Variants in CACNA1C observed in about 807,000 individuals in gnomAD.
CACNA1C encodes calcium voltage-gated channel subunit alpha1 C.
Under a neutral mutation model 229.0 loss-of-function variants are expected in CACNA1C, and 30 were observed. The observed-to-expected ratio is 0.13, with a 90% CI of 0.10 to 0.18. The LOEUF (loss-of-function observed/expected upper bound fraction) is 0.18, where lower values mean the gene tolerates loss of function less well. CACNA1C is among the 10% of genes least tolerant of loss of function. CACNA1C has a pLI of 1.00. For missense variants in CACNA1C, 1,658 were observed against 2,845.0 expected (o/e 0.58, Z 9.49); for synonymous variants, 1,114 against 1,132.5 (o/e 0.98, Z 0.33).
chr12:2,449,445 CCAGTGCGCAGGCTGGCTGGAGTTT>C (rs2099333994), intron 4 of CACNA1C, among the ~76,000 whole-genome samples: 1 of 152,208 alleles, frequency 6.6e-6, no homozygotes, highest in Non-Finnish European at 1.5e-5. Context: ...TGCACTCCTC[CCAGTGCGCAGGCTGGCTGGAGTTT>C]CTCTGGGGAC....
chr12:2,234,650 A>C (rs1482133561), intron 3 of CACNA1C, among the ~76,000 whole-genome samples: 2 of 152,146 alleles, frequency 1.3e-5, no homozygotes, highest in Non-Finnish European at 2.9e-5. Flanking sequence ...GTTTTTCACA[A>C]AAATTTTCTG....
intron 3 of CACNA1C, among the ~76,000 whole-genome samples, chr12:2,398,727 G>A (rs747921780): frequency 1.6e-4 from 24 of 152,230 alleles, no homozygotes; most frequent in Admixed American, 2.0e-4. Context: ...GGGAGAGGAT[G>A]TGTGGGGTCT....
chr12:1,972,013 T>C (rs939297541), intron 1 of CACNA1C, among the ~76,000 whole-genome samples: 2 of 152,252 alleles, frequency 1.3e-5, no homozygotes, highest in Non-Finnish European at 2.9e-5. Context: ...AAAATTTAAA[T>C]AGGCAGGACA....
At chr12:2,662,131 AC>A (rs1427687517) in intron 34 of CACNA1C, among the ~76,000 whole-genome samples, 1 of 151,890 alleles carries the variant, frequency 6.6e-6, no homozygotes, top group Non-Finnish European at 1.5e-5. Flanking sequence ...AGTCCCAGCT[AC>A]TCAGGAGGCT....
chr12:2,409,786 T>C (rs1281132909), intron 3 of CACNA1C, among the ~76,000 whole-genome samples: 1 of 152,202 alleles, frequency 6.6e-6, no homozygotes, highest in Non-Finnish European at 1.5e-5. Context: ...GTGCCTCCCA[T>C]GGCACTTGTG....
chr12:2,354,316 G>A lies in CACNA1C; in HGVS notation c.478-94660G>A, dbSNP rs546044587. Among the ~76,000 whole-genome samples the A allele has an allele frequency of 2.0e-5, 3 of 152,288 alleles. No homozygotes were observed. Among genetic ancestry groups the A allele is most frequent in the African/African-American group, 4.8e-5 (2 of 41,564 alleles). ...CAGGAAACACAGAGCAGAAAGCCAC[G>A]CACACAGCTTGTGTTTCCTCTGGCG... On this transcript the variant is annotated intron_variant, in intron 3 of 46. Coordinates refer to ENST00000399655, the MANE Select transcript of CACNA1C (RefSeq NM_000719.7). This position sits in a 1 kb window ranked among gnomAD's most constrained non-coding sequence, Gnocchi z 4.6.
At chr12:2,303,437 C>T (rs1228470353) in intron 3 of CACNA1C, among the ~76,000 whole-genome samples, 6 of 152,028 alleles carry the variant, frequency 3.9e-5, no homozygotes, top group Non-Finnish European at 8.8e-5. Context: ...TAGGATCCGC[C>T]CTCATGCCCT....
intron 1 of CACNA1C, among the ~76,000 whole-genome samples, chr12:2,062,310 C>T (rs979353194): frequency 6.6e-6 from 1 of 152,158 alleles, no homozygotes; most frequent in Non-Finnish European, 1.5e-5. Flanking sequence ...GTAATCCTAC[C>T]ACGTGGGTTT....
In CACNA1C at chr12:2,054,110, C is replaced by G. The variant is rs1489243455; in HGVS notation, c.49+499C>G. 6.6e-6 allele frequency among the ~76,000 whole-genome samples: 1 copy of G among 150,420 alleles called. No homozygotes were observed. The highest frequency in any genetic ancestry group is 1.5e-5 in the Non-Finnish European group (1 of 67,546). On this transcript the variant is annotated intron_variant, in intron 1 of 46. Transcript: ENST00000399655. This position sits in a 1 kb window ranked among gnomAD's most constrained non-coding sequence, Gnocchi z 5.5. ...CGCCCCTGGGGCGCCCTCGCGCTGC[C>G]CGGCGTCCACTCTCGTCCAGGCGCC...
intron 3 of CACNA1C, among the ~76,000 whole-genome samples, chr12:2,209,300 AG>A (rs1442740871): frequency 6.6e-6 from 1 of 152,238 alleles, no homozygotes; most frequent in Admixed American, 6.5e-5. Flanking sequence ...AAGAAAACCA[AG>A]TAAAACAAAC....
rs528458988 is a variant in CACNA1C at position 2,434,221 on chromosome 12, C to T, written c.478-14755C>T. Among the ~76,000 whole-genome samples the T allele has an allele frequency of 8.2e-4, 125 of 152,236 alleles. 2 individuals are homozygous for T. Among genetic ancestry groups the T allele is most frequent in the Middle Eastern group, 3.4e-3 (1 of 294 alleles). On this transcript the variant is annotated intron_variant, in intron 3 of 46. Transcript: ENST00000399655. ...AGCCCACCTGTCAGGCCTGACCCCC[C>T]GTCTGTAATCCCCACATACATCTCC...
At position 2,654,002 on chromosome 12, in the gene CACNA1C, C is replaced by A; in HGVS notation, c.4140+102C>A. On this transcript the variant is annotated intron_variant, in intron 33 of 46. Coordinates refer to ENST00000399655, the MANE Select transcript of CACNA1C (RefSeq NM_000719.7). The surrounding 1 kb of genome is among the most constrained non-coding windows in gnomAD (Gnocchi z 4.4). Reference sequence around the variant, plus strand: ...GCCTTCCTCCCTCCCTTCTCCCTTTCATTCCTGACTGTCCCTCTCCCTCCT... The same window carrying A: ...GCCTTCCTCCCTCCCTTCTCCCTTTAATTCCTGACTGTCCCTCTCCCTCCT... 1.1e-6 allele frequency: 1 copy of A among 917,708 alleles called. No homozygotes were observed. Among genetic ancestry groups the A allele is most frequent in the Non-Finnish European group, 1.7e-6 (1 of 581,894 alleles). The allele number at this position is 917,708 out of a possible 1,614,324, so 56.8% of individuals were successfully genotyped here.
intron 3 of CACNA1C, among the ~76,000 whole-genome samples, chr12:2,347,456 C>G (rs1464800633): frequency 6.6e-6 from 1 of 152,232 alleles, no homozygotes; most frequent in African/African-American, 2.4e-5. Flanking sequence ...TTAGGCTCCA[C>G]ATTTGTACCA....
chr12:2,198,395 C>T lies in CACNA1C; in HGVS notation c.477+77965C>T, dbSNP rs117791508. On this transcript the variant is annotated intron_variant, in intron 3 of 46. Coordinates refer to ENST00000399655, the MANE Select transcript of CACNA1C (RefSeq NM_000719.7). ...TGTGGAACCGGAGGCCTCCCCTCTG[C>T]GGCTATTTAAATGTGTTCCTCCGGC... is the stretch of plus-strand genomic sequence containing the variant. 6.3e-3 allele frequency among the ~76,000 whole-genome samples: 953 copies of T among 152,252 alleles called. 12 individuals are homozygous for T. Among genetic ancestry groups the T allele is most frequent in the South Asian group, 0.029 (137 of 4,806 alleles).
chr12:2,297,133 C>T lies in CACNA1C; in HGVS notation c.478-151843C>T, dbSNP rs186092722. Among the ~76,000 whole-genome samples the T allele has an allele frequency of 7.3e-4, 111 of 152,310 alleles. 1 individual carries two copies. Among genetic ancestry groups the T allele is most frequent in the African/African-American group, 2.4e-3 (99 of 41,562 alleles). On this transcript the variant is annotated intron_variant, in intron 3 of 46. Coordinates refer to ENST00000399655, the MANE Select transcript of CACNA1C (RefSeq NM_000719.7). The stretch of plus-strand genomic sequence containing the variant: ...AACCGCTCAGTAATAGAAGCAACTC[C>T]GATTGCATGAGCAGGCTTCTCGAGT...
chr12:2,588,910 C>T (rs997833968), intron 18 of CACNA1C, among the ~76,000 whole-genome samples: 2 of 152,080 alleles, frequency 1.3e-5, no homozygotes, highest in African/African-American at 4.8e-5. Flanking sequence ...TAGTCAGCAC[C>T]GCCTGTGCTG....
chr12:2,394,280 T>C (rs751774309), intron 3 of CACNA1C, among the ~76,000 whole-genome samples: 2 of 152,194 alleles, frequency 1.3e-5, no homozygotes, highest in Non-Finnish European at 2.9e-5. Flanking sequence ...CAGGAGCTGG[T>C]CCCTGGCCCA....
chr12:2,503,781 A>G (rs1352520985), intron 7 of CACNA1C, among the ~76,000 whole-genome samples: 1 of 152,212 alleles, frequency 6.6e-6, no homozygotes, highest in Non-Finnish European at 1.5e-5. Context: ...GTCAGTTTCC[A>G]CATTAAGGAC....
rs142835069 is a variant in CACNA1C at position 2,243,258 on chromosome 12, C to T, written c.477+122828C>T. Among the ~76,000 whole-genome samples the T allele has an allele frequency of 5.0e-3, 762 of 152,244 alleles. 4 individuals are homozygous for T. Among genetic ancestry groups the T allele is most frequent in the Middle Eastern group, 0.017 (5 of 294 alleles). Reference sequence around the variant, plus strand: ...TCTCTAACCAGGTTGTGTGTGAGTACCTGGAAGCAGGGATGAAGTCTAGTG... The same window carrying T: ...TCTCTAACCAGGTTGTGTGTGAGTATCTGGAAGCAGGGATGAAGTCTAGTG... On this transcript the variant is annotated intron_variant, in intron 3 of 46. Coordinates refer to ENST00000399655, the MANE Select transcript of CACNA1C (RefSeq NM_000719.7).
Sources: gnomAD v4.1 joint callset for allele counts (sites outside exome capture counted in the v4.1 genomes callset) on GRCh38, gnomAD v4.1.1 for gene constraint, Gnocchi (gnomAD v3.1) non-coding constraint, MANE v1.5 for transcripts, NCBI Gene and HGNC (gene_info 2026-07-23, HGNC 2026-07-21) for gene names.